The following CCSER2 variants were observed in gnomAD, a reference collection of about 807,000 sequenced individuals.
The protein encoded by CCSER2 is coiled-coil serine rich protein 2, also known as serine-rich coiled-coil domain-containing protein 2.
Under a neutral mutation model 92.3 loss-of-function variants are expected in CCSER2, and 46 were observed. The ratio of observed to expected loss-of-function variants is 0.50; its 90% CI spans 0.39 to 0.64. The LOEUF (loss-of-function observed/expected upper bound fraction) is 0.64. Among genes scored for constraint, CCSER2 ranks in the 30% least tolerant of loss-of-function variants. CCSER2 has a pLI of 0.00. For synonymous variants in CCSER2, 433 were observed against 431.4 expected, an observed-to-expected ratio of 1.00 and a Z score of -0.04; for missense variants, 1,244 against 1,238.9, an observed-to-expected ratio of 1.00 and a Z score of -0.06.
intron 4 of CCSER2, among the ~76,000 whole-genome samples, chr10:84,423,793 A>G (rs1843275452): frequency 6.6e-6 from 1 of 152,160 alleles, no homozygotes; most frequent in South Asian, 2.1e-4. Context: ...GAATCTATGA[A>G]TATAATACAA....
chr10:84,478,956 C>T (rs1474066038), intron 9 of CCSER2, among the ~76,000 whole-genome samples: 1 of 152,154 alleles, frequency 6.6e-6, no homozygotes, highest in African/African-American at 2.4e-5. Flanking sequence ...AGACCATGCC[C>T]CTTGCTTCTA....
rs1446994014 is a variant in CCSER2 at position 84,517,346 on chromosome 10, A to C, written c.*3079A>C. ...TAAGGCATTAAAGGATTATAGAGTT[A>C]TGTCATTTAGACTGTTTCTAATAAC... On this transcript the variant is annotated 3_prime_UTR_variant, in exon 10 of 10. Coordinates refer to ENST00000372088, the MANE Select transcript of CCSER2 (RefSeq NM_001284240.2). 3 of 152,626 alleles carry C rather than the reference A, an allele frequency of 2.0e-5. No individual in the cohort carries two copies. The highest frequency in any genetic ancestry group is 7.2e-5 in the African/African-American group (3 of 41,456). The allele number at this position is 152,626 out of a possible 1,614,324, so 9.5% of individuals were successfully genotyped here. A position where few individuals can be genotyped will look rare whatever the true frequency, so the allele number is the denominator to read the frequency against.
rs778321995 is a variant in CCSER2 at position 84,515,430 on chromosome 10, GTGTTTTTTGTTTTTTTCTGTT to G, written c.*1173_*1193del. Reference sequence around the variant, plus strand: ...CCAGTCTCCTAGGTTTCCCTTTTCTGTGTTTTTTGTTTTTTTCTGTTTGTTTTTTGAGACAGAGTCTTGCTC... The same window carrying G: ...CCAGTCTCCTAGGTTTCCCTTTTCTGTGTTTTTTGAGACAGAGTCTTGCTC... On this transcript the variant is annotated 3_prime_UTR_variant, in exon 10 of 10. Coordinates refer to ENST00000372088, the MANE Select transcript of CCSER2 (RefSeq NM_001284240.2). 4 of 151,904 alleles carry G rather than the reference GTGTTTTTTGTTTTTTTCTGTT, an allele frequency of 2.6e-5. No homozygotes were observed. Among genetic ancestry groups the G allele is most frequent in the Non-Finnish European group, 5.9e-5 (4 of 67,964 alleles). 9.4% of individuals were successfully genotyped at this position (151,904 alleles called of 1,614,324 possible). A position where few individuals can be genotyped will look rare whatever the true frequency, so the allele number is the denominator to read the frequency against.
At chr10:84,336,572 T>C (rs954972006) in intron 1 of CCSER2, among the ~76,000 whole-genome samples, 4 of 152,194 alleles carry the variant, frequency 2.6e-5, no homozygotes, top group Non-Finnish European at 4.4e-5. Flanking sequence ...AATACAAAGA[T>C]CCTGTGGCTG....
chr10:84,369,894 T>G (rs1845974240), intron 1 of CCSER2, among the ~76,000 whole-genome samples: 1 of 152,206 alleles, frequency 6.6e-6, no homozygotes, highest in South Asian at 2.1e-4. Flanking sequence ...TGGCAACATT[T>G]ATTGAATAAG....
At chr10:84,339,472 TAAA>T (rs1564577398) in intron 1 of CCSER2, among the ~76,000 whole-genome samples, 2 of 148,514 alleles carry the variant, frequency 1.3e-5, no homozygotes, top group Non-Finnish European at 1.5e-5. Flanking sequence ...TTTTTTTTTT[TAAA>T]TTTATTTTTT....
chr10:84,357,943 T>C (rs1303236288), intron 1 of CCSER2, among the ~76,000 whole-genome samples: 1 of 152,204 alleles, frequency 6.6e-6, no homozygotes, highest in Non-Finnish European at 1.5e-5. Context: ...AAGCATATAG[T>C]AGTTCTGTTG....
At chr10:84,457,963 C>A (rs2133635872) in intron 6 of CCSER2, among the ~76,000 whole-genome samples, 1 of 151,854 alleles carries the variant, frequency 6.6e-6, no homozygotes, top group Non-Finnish European at 1.5e-5. Context: ...CCAGGCTGGT[C>A]TCAGAACTCC....
intron 1 of CCSER2, among the ~76,000 whole-genome samples, chr10:84,362,327 A>T (rs1002451991): frequency 3.9e-5 from 6 of 152,188 alleles, no homozygotes; most frequent in African/African-American, 1.4e-4. Flanking sequence ...TTTAAAAGGC[A>T]GTATATGGGT....
chr10:84,409,310 A>AT (rs11429977), intron 3 of CCSER2, among the ~76,000 whole-genome samples: 4,367 of 148,478 alleles, frequency 0.029, 113 homozygotes, highest in Admixed American at 0.087. Flanking sequence ...ATTTAAAAAA[A>AT]TTTTTTTTTT....
chr10:84,390,990 G>A (rs1841487057), intron 3 of CCSER2: 1 of 770,316 alleles, frequency 1.3e-6, no homozygotes, highest in Admixed American at 1.7e-5. Context: ...GTAAATACCA[G>A]CATAAGAACC....
At position 84,518,393 on chromosome 10, in the gene CCSER2, AAGTC is replaced by A. The variant is rs1352094177; in HGVS notation, c.*4130_*4133del. The A allele has an allele frequency of 6.6e-6, 1 of 152,628 alleles. No individual in the cohort carries two copies. Among genetic ancestry groups the A allele is most frequent in the Non-Finnish European group, 1.5e-5 (1 of 68,026 alleles). The allele number at this position is 152,628 out of a possible 1,614,324, so 9.5% of individuals were successfully genotyped here. On this transcript the variant is annotated 3_prime_UTR_variant, in exon 10 of 10. Coordinates refer to ENST00000372088, the MANE Select transcript of CCSER2 (RefSeq NM_001284240.2). ...CAGTATTGTTTTTCCCATTGATTTT[AAGTC>A]AGTTTAGAGTACAAACTGTATATTA...
chr10:84,388,952 T>G (rs1378857191), intron 3 of CCSER2, among the ~76,000 whole-genome samples: 1 of 152,184 alleles, frequency 6.6e-6, no homozygotes, highest in African/African-American at 2.4e-5. Context: ...GCCCAGGGGT[T>G]AGACTCCTGC....
Position 84,342,922 on chromosome 10 carries a change from C to G in CCSER2, c.-40+14114C>G, listed in dbSNP as rs181531803. On this transcript the variant is annotated intron_variant, in intron 1 of 9. Transcript: ENST00000372088. ...TGAGATGGAGTCTCGCTCTGTCGCCCAGTGCAGTGGTGTGATCTCTGCTCA... is the reference window on the plus strand; with the variant it reads ...TGAGATGGAGTCTCGCTCTGTCGCCGAGTGCAGTGGTGTGATCTCTGCTCA... Among the ~76,000 whole-genome samples, 402 of 152,212 alleles carry G rather than the reference C, an allele frequency of 2.6e-3. 1 individual carries two copies. Among genetic ancestry groups the G allele is most frequent in the African/African-American group, 9.3e-3 (386 of 41,538 alleles).
rs11201041 is a variant in CCSER2 at position 84,449,196 on chromosome 10, G to A, written c.2064+10489G>A. ...TCAAGACCAGCCTGGCCAAAATGGC[G>A]AAACCCCATTTCTACTAAAAATACA... is the stretch of plus-strand genomic sequence containing the variant. On this transcript the variant is annotated intron_variant, in intron 6 of 9. Coordinates refer to ENST00000372088, the MANE Select transcript of CCSER2 (RefSeq NM_001284240.2). 8.4e-3 allele frequency among the ~76,000 whole-genome samples: 1,283 copies of A among 152,180 alleles called. 81 individuals are homozygous for A. The East Asian group carries it at 0.16, about 19-fold the overall frequency.
At chr10:84,511,606 T>G (rs1316774674) in intron 9 of CCSER2, among the ~76,000 whole-genome samples, 1 of 152,208 alleles carries the variant, frequency 6.6e-6, no homozygotes, top group Non-Finnish European at 1.5e-5. Context: ...CTTACCATGT[T>G]TGAGGGTGAA....
At chr10:84,498,841 T>C (rs1311567563) in intron 9 of CCSER2, among the ~76,000 whole-genome samples, 1 of 152,206 alleles carries the variant, frequency 6.6e-6, no homozygotes. Flanking sequence ...CCAATATGGT[T>C]CCCTTTGTAT....
chr10:84,395,745 A>C (rs1439102879), intron 3 of CCSER2, among the ~76,000 whole-genome samples: 2 of 152,152 alleles, frequency 1.3e-5, no homozygotes, highest in Non-Finnish European at 2.9e-5. Context: ...CATTAGACCA[A>C]CCATTGGGAA....
intron 6 of CCSER2, among the ~76,000 whole-genome samples, chr10:84,449,866 CAAAA>C (rs925045403): frequency 6.6e-6 from 1 of 152,060 alleles, no homozygotes; most frequent in African/African-American, 2.4e-5. Flanking sequence ...AACAAACAAA[CAAAA>C]AACACATTAA....
Sources: gnomAD v4.1 joint callset for allele counts (sites outside exome capture counted in the v4.1 genomes callset) on GRCh38, gnomAD v4.1.1 for gene constraint, MANE v1.5 for transcripts, NCBI Gene and HGNC (gene_info 2026-07-23, HGNC 2026-07-21) for gene names.